STK39: variants seen among roughly 807,000 people sequenced by gnomAD.
STK39 encodes the protein STE20/SPS1-related proline-alanine-rich protein kinase.
In STK39, 20 loss-of-function variants were observed where a neutral mutation model predicts 77.8. The observed-to-expected ratio is 0.26, with a 90% CI of 0.18 to 0.37. The LOEUF is 0.37. STK39 is among the 10% of genes least tolerant of loss of function. STK39 has a pLI of 1.00. For missense variants in STK39, 479 were observed against 656.5 expected (o/e 0.73, Z 2.95); for synonymous variants, 246 against 234.1 (o/e 1.05, Z -0.47).
intron 14 of STK39, among the ~76,000 whole-genome samples, chr2:168,032,383 G>GT (rs1684851216): frequency 6.6e-6 from 1 of 152,216 alleles, no homozygotes; most frequent in African/African-American, 2.4e-5. Flanking sequence ...ACCCAGGGGT[G>GT]TAACTGTACC....
chr2:168,001,926 C>T (rs1308233207), intron 16 of STK39, among the ~76,000 whole-genome samples: 2 of 152,192 alleles, frequency 1.3e-5, no homozygotes, highest in African/African-American at 4.8e-5. Context: ...ACTTTACTTC[C>T]ACTAGAAATA....
intron 14 of STK39, among the ~76,000 whole-genome samples, chr2:168,058,745 T>C (rs1193825697): frequency 6.6e-6 from 1 of 152,252 alleles, no homozygotes; most frequent in African/African-American, 2.4e-5. Flanking sequence ...ACCACTTCCG[T>C]TAATCCTCAC....
intron 16 of STK39, among the ~76,000 whole-genome samples, chr2:167,993,327 G>A (rs1683750135): frequency 6.6e-6 from 1 of 152,170 alleles, no homozygotes. Context: ...AGATTGTTGG[G>A]GACTTCCAAG....
intron 4 of STK39, 197 bp downstream of exon 4, chr2:168,163,542 T>C: frequency 1.1e-6 from 1 of 950,936 alleles, no homozygotes; most frequent in South Asian, 4.9e-5. Flanking sequence ...GTTAAAGTAA[T>C]GTCAATACCT....
chr2:168,141,677 T>C (rs1687988277), intron 5 of STK39, among the ~76,000 whole-genome samples: 1 of 152,146 alleles, frequency 6.6e-6, no homozygotes, highest in Non-Finnish European at 1.5e-5. Flanking sequence ...AGCTGGTGGG[T>C]AGTAATAAAA....
intron 10 of STK39, among the ~76,000 whole-genome samples, chr2:168,104,348 C>T (rs1214873034): frequency 2.0e-5 from 3 of 151,988 alleles, no homozygotes; most frequent in Non-Finnish European, 4.4e-5. Flanking sequence ...AAAACACTGG[C>T]CTAGTCATCA....
At chr2:168,058,111 G>C (rs767816900) in intron 14 of STK39, among the ~76,000 whole-genome samples, 59 of 152,088 alleles carry the variant, frequency 3.9e-4, no homozygotes, top group African/African-American at 1.4e-3. Context: ...AGAGTTATCT[G>C]TACTAACAAG....
intron 14 of STK39, among the ~76,000 whole-genome samples, chr2:168,059,327 G>A (rs563402022): frequency 2.5e-4 from 38 of 152,280 alleles, no homozygotes; most frequent in African/African-American, 8.2e-4. Flanking sequence ...ACATGGCAAA[G>A]GTGAAGATGT....
At chr2:167,974,939 A>C (rs1254023750) in intron 16 of STK39, among the ~76,000 whole-genome samples, 1 of 152,252 alleles carries the variant, frequency 6.6e-6, no homozygotes, top group Non-Finnish European at 1.5e-5. Flanking sequence ...ATGCTAAATC[A>C]GCTGATATTG....
rs752579447 is a variant in STK39, at chr2:168,075,197, T to A, written c.1124A>T (p.His375Leu). 6.2e-7 allele frequency: 1 copy of A among 1,614,180 alleles called. No homozygotes were observed. Among genetic ancestry groups the A allele is most frequent in the South Asian group, 1.1e-5 (1 of 91,082 alleles). ...CTCCCAGTCCCCGTCTTCGGTTTTA[T>A]GAAGGTGACCACTTGACCCAGGAAC... Reference protein sequence around the residue: ...RRVPGSSGHLHKTEDGDWEWS... With the variant: ...RRVPGSSGHLLKTEDGDWEWS... Residue 375 changes from histidine to leucine, a missense_variant, in exon 11 of 18, where the codon CAT becomes CTT. His to Leu is a moderately conservative substitution (Grantham distance 99). Transcript: ENST00000355999.
chr2:168,201,490 G>A (rs1362200242), intron 1 of STK39, among the ~76,000 whole-genome samples: 1 of 152,220 alleles, frequency 6.6e-6, no homozygotes, highest in Admixed American at 6.5e-5. Context: ...TCATGGGTCA[G>A]TGAGCCGGCC....
chr2:168,027,111 G>A (rs1684717565), intron 14 of STK39, among the ~76,000 whole-genome samples: 1 of 152,184 alleles, frequency 6.6e-6, no homozygotes, highest in South Asian at 2.1e-4. Flanking sequence ...GGGTAAGGTA[G>A]GGGAAAGGAA....
chr2:168,018,295 T>C (rs893775840), intron 14 of STK39, among the ~76,000 whole-genome samples: 4 of 151,814 alleles, frequency 2.6e-5, no homozygotes, highest in African/African-American at 9.7e-5. Context: ...AGGTTAGGAG[T>C]TCGAGACCAG....
intron 10 of STK39, among the ~76,000 whole-genome samples, chr2:168,076,114 G>C (rs186723795): frequency 6.6e-6 from 1 of 152,308 alleles, no homozygotes; most frequent in East Asian, 1.9e-4. Context: ...AGATGAACAT[G>C]ATGTGAATGC....
At chr2:168,059,715 G>A (rs1417641295) in intron 14 of STK39, among the ~76,000 whole-genome samples, 1 of 152,180 alleles carries the variant, frequency 6.6e-6, no homozygotes, top group South Asian at 2.1e-4. Context: ...ATAAATGGGT[G>A]CTGTTCTAAG....
At chr2:168,088,053 A>C (rs1156589872) in intron 10 of STK39, among the ~76,000 whole-genome samples, 1 of 124,602 alleles carries the variant, frequency 8.0e-6, no homozygotes, top group Non-Finnish European at 1.9e-5. Context: ...CTTAGGGATT[A>C]ATGACCCGAG....
intron 1 of STK39, among the ~76,000 whole-genome samples, chr2:168,229,931 G>T (rs1388102402): frequency 6.6e-6 from 1 of 152,104 alleles, no homozygotes; most frequent in East Asian, 1.9e-4. Flanking sequence ...CACTTCTACA[G>T]CAAAAATCAC....
At chr2:168,168,835 T>C (rs1418757517) in intron 2 of STK39, among the ~76,000 whole-genome samples, 1 of 152,036 alleles carries the variant, frequency 6.6e-6, no homozygotes, top group East Asian at 1.9e-4. Context: ...ACAAAAAAAT[T>C]AGCTGAGTGT....
chr2:168,065,255 G>C, intron 13 of STK39, 64 bp downstream of exon 13: 4 of 1,537,926 alleles, frequency 2.6e-6, no homozygotes, highest in Non-Finnish European at 3.6e-6. Flanking sequence ...TTTCTAAAAT[G>C]TTGGTTTTTT....
Sources: gnomAD v4.1 joint callset for allele counts (sites outside exome capture counted in the v4.1 genomes callset) on GRCh38, gnomAD v4.1.1 for gene constraint, MANE v1.5 for transcripts, NCBI Gene and HGNC (gene_info 2026-07-23, HGNC 2026-07-21) for gene names.